The following AK4 variants were observed in gnomAD, a reference collection of about 807,000 sequenced individuals.
AK4 encodes the protein adenylate kinase 4, mitochondrial.
Under a neutral mutation model 24.6 loss-of-function variants are expected in AK4, and 13 were observed. That is an observed-to-expected ratio of 0.53 (90% CI 0.34 to 0.84). The LOEUF (loss-of-function observed/expected upper bound fraction) is 0.84. Among genes scored for constraint, AK4 ranks in the 40% least tolerant of loss-of-function variants. The pLI is 0.01. For synonymous variants in AK4, 88 were observed against 107.0 expected (o/e 0.82, Z 1.10); for missense variants, 192 against 288.2 (o/e 0.67, Z 2.42).
At chr1:65,174,584 A>C (rs1570089706) in intron 1 of AK4, among the ~76,000 whole-genome samples, 1 of 152,332 alleles carries the variant, frequency 6.6e-6, no homozygotes, top group African/African-American at 2.4e-5. Context: ...TGAGCTCAAC[A>C]AGACCTGCCC....
At chr1:65,158,020 T>A (rs1650035622) in intron 1 of AK4, among the ~76,000 whole-genome samples, 1 of 152,188 alleles carries the variant, frequency 6.6e-6, no homozygotes, top group Non-Finnish European at 1.5e-5. Context: ...GTCCTTGCTT[T>A]TATGGCTTGG....
chr1:65,174,658 G>C (rs555139797), intron 1 of AK4, among the ~76,000 whole-genome samples: 4 of 152,266 alleles, frequency 2.6e-5, no homozygotes, highest in African/African-American at 7.2e-5. Flanking sequence ...AAAGAATTAC[G>C]GTGTGAGAGA....
At chr1:65,150,192 G>A (rs938184952) in intron 1 of AK4, among the ~76,000 whole-genome samples, 2 of 152,118 alleles carry the variant, frequency 1.3e-5, no homozygotes, top group Non-Finnish European at 2.9e-5. Context: ...TAAAGAGAGT[G>A]TGATGGGAAG....
At chr1:65,162,504 T>C (rs974645687) in intron 1 of AK4, among the ~76,000 whole-genome samples, 15 of 152,148 alleles carry the variant, frequency 9.9e-5, no homozygotes, top group Admixed American at 2.0e-4. Flanking sequence ...GTAACAGCTA[T>C]ACTGAATATA....
At chr1:65,199,263 T>C (rs115645444) in intron 2 of AK4, among the ~76,000 whole-genome samples, 2,650 of 151,982 alleles carry the variant, frequency 0.017, 19 homozygotes, top group Middle Eastern at 0.038. Flanking sequence ...AAAAAATTAT[T>C]TTTGGGCTGG....
intron 1 of AK4, among the ~76,000 whole-genome samples, chr1:65,184,801 C>T (rs1399343130): frequency 2.0e-5 from 3 of 152,050 alleles, no homozygotes; most frequent in South Asian, 2.1e-4. Flanking sequence ...CATTCAGATG[C>T]GGATATATTA....
intron 2 of AK4, among the ~76,000 whole-genome samples, chr1:65,217,351 C>G (rs898241843): frequency 4.6e-5 from 7 of 152,082 alleles, no homozygotes; most frequent in Non-Finnish European, 8.8e-5. Context: ...CCATGAATAC[C>G]CATTTTTAAG....
chr1:65,175,485 A>G (rs1046435626), intron 1 of AK4, among the ~76,000 whole-genome samples: 1 of 152,230 alleles, frequency 6.6e-6, no homozygotes, highest in Non-Finnish European at 1.5e-5. Context: ...GAGGCAGCCA[A>G]CAAGGTGCAT....
chr1:65,174,116 A>G (rs1650632390), intron 1 of AK4, among the ~76,000 whole-genome samples: 1 of 152,118 alleles, frequency 6.6e-6, no homozygotes, highest in Non-Finnish European at 1.5e-5. Context: ...CAATCCTCCA[A>G]TACCAGAAGG....
chr1:65,154,627 A>G, intron 1 of AK4: 1 of 489,086 alleles, frequency 2.0e-6, no homozygotes, highest in South Asian at 1.5e-5. Flanking sequence ...CGCGAACGAT[A>G]TCAGTTTTAT....
intron 2 of AK4, among the ~76,000 whole-genome samples, chr1:65,217,556 G>A (rs747343017): frequency 2.8e-4 from 43 of 152,136 alleles, no homozygotes; most frequent in Non-Finnish European, 4.7e-4. Context: ...TTTTGTCAGA[G>A]CAGATAAACT....
intron 3 of AK4, among the ~76,000 whole-genome samples, chr1:65,223,757 G>T (rs900636664): frequency 6.6e-6 from 1 of 152,080 alleles, no homozygotes; most frequent in East Asian, 1.9e-4. Flanking sequence ...CACTTTGGGA[G>T]GCCAAGGCAG....
intron 1 of AK4, among the ~76,000 whole-genome samples, chr1:65,172,395 A>G (rs1409913066): frequency 6.6e-6 from 1 of 151,972 alleles, no homozygotes; most frequent in Non-Finnish European, 1.5e-5. Flanking sequence ...GCTGAATTAT[A>G]TATGCCTGCT....
chr1:65,209,905 T>C (rs1651920101), intron 2 of AK4, among the ~76,000 whole-genome samples: 1 of 152,140 alleles, frequency 6.6e-6, no homozygotes, highest in South Asian at 2.1e-4. Context: ...CCTCCTGGAC[T>C]CAAGCGATCC....
chr1:65,173,775 A>T (rs866331960), intron 1 of AK4, among the ~76,000 whole-genome samples: 1 of 151,944 alleles, frequency 6.6e-6, no homozygotes, highest in Non-Finnish European at 1.5e-5. Context: ...AGGTGGCAGG[A>T]TCCCCTAAAC....
chr1:65,165,562 A>G (rs63249560), intron 1 of AK4, among the ~76,000 whole-genome samples: 51 of 100,716 alleles, frequency 5.1e-4, no homozygotes, highest in Admixed American at 7.4e-4. Context: ...CCATGTCTGG[A>G]AAAAAAAAAA....
intron 3 of AK4, among the ~76,000 whole-genome samples, chr1:65,222,072 C>T (rs1415239317): frequency 6.6e-6 from 1 of 152,118 alleles, no homozygotes; most frequent in Non-Finnish European, 1.5e-5. Flanking sequence ...GTGGTGGATG[C>T]CCCGGATTTT....
intron 1 of AK4, among the ~76,000 whole-genome samples, chr1:65,165,094 T>C (rs1409799804): frequency 6.6e-6 from 1 of 152,242 alleles, no homozygotes; most frequent in Non-Finnish European, 1.5e-5. Flanking sequence ...TCAATTATTT[T>C]ATAAAGCAAA....
At chr1:65,172,670 G>T (rs1330551056) in intron 1 of AK4, among the ~76,000 whole-genome samples, 1 of 152,058 alleles carries the variant, frequency 6.6e-6, no homozygotes, top group African/African-American at 2.4e-5. Flanking sequence ...ACAACTGTGG[G>T]AATAGATTGT....
Sources: gnomAD v4.1 joint callset for allele counts (sites outside exome capture counted in the v4.1 genomes callset) on GRCh38, gnomAD v4.1.1 for gene constraint, MANE v1.5 for transcripts, NCBI Gene and HGNC (gene_info 2026-07-23, HGNC 2026-07-21) for gene names.